Variants in MYO3B observed in about 807,000 individuals in gnomAD.
The protein encoded by MYO3B is myosin-IIIb.
A neutral mutation model predicts 174.6 loss-of-function variants in MYO3B; 156 were observed. The observed-to-expected ratio is 0.89, with a 90% CI of 0.78 to 1.02. The LOEUF is 1.02. Among genes scored for constraint, MYO3B ranks in the 50% least tolerant of loss-of-function variants. MYO3B has a pLI of 0.00. For synonymous variants in MYO3B, 563 were observed against 569.1 expected (o/e 0.99, Z 0.15); for missense variants, 1,632 against 1,639.4 (o/e 1.00, Z 0.08).
intron 7 of MYO3B, among the ~76,000 whole-genome samples, chr2:170,252,116 C>T (rs1157822749): frequency 2.0e-5 from 3 of 152,214 alleles, no homozygotes; most frequent in Admixed American, 2.0e-4. Flanking sequence ...AAATATGTTG[C>T]ATCTTTGCCT....
At chr2:170,436,536 T>G (rs924918859) in intron 22 of MYO3B, among the ~76,000 whole-genome samples, 2 of 152,216 alleles carry the variant, frequency 1.3e-5, no homozygotes, top group African/African-American at 4.8e-5. Context: ...TCTGAAGATA[T>G]CGCCAGAGAA....
At chr2:170,284,311 T>C (rs939021425) in intron 7 of MYO3B, among the ~76,000 whole-genome samples, 1 of 152,168 alleles carries the variant, frequency 6.6e-6, no homozygotes, top group African/African-American at 2.4e-5. Flanking sequence ...GACAGATATG[T>C]AAATATCATT....
chr2:170,364,481 C>T (rs2105660779), intron 8 of MYO3B, among the ~76,000 whole-genome samples: 1 of 152,264 alleles, frequency 6.6e-6, no homozygotes, highest in East Asian at 1.9e-4. Context: ...GGCCCCCAAT[C>T]CCATACAGAG....
At chr2:170,522,154 C>G (rs915924990) in intron 30 of MYO3B, among the ~76,000 whole-genome samples, 1 of 152,192 alleles carries the variant, frequency 6.6e-6, no homozygotes, top group Middle Eastern at 3.2e-3. Flanking sequence ...CTGGATGATA[C>G]CATCTCTCAC....
chr2:170,473,116 C>G (rs996961201), intron 25 of MYO3B, among the ~76,000 whole-genome samples: 4 of 133,962 alleles, frequency 3.0e-5, no homozygotes, highest in African/African-American at 1.1e-4. Context: ...TCACTATTTT[C>G]TTTTTCTTTT....
intron 32 of MYO3B, among the ~76,000 whole-genome samples, chr2:170,631,234 A>C (rs1473615442): frequency 6.6e-6 from 1 of 152,166 alleles, no homozygotes; most frequent in African/African-American, 2.4e-5. Flanking sequence ...AACCATGGCA[A>C]GAGAACTACG....
chr2:170,514,014 G>T (rs991966716), intron 28 of MYO3B, among the ~76,000 whole-genome samples: 4 of 152,248 alleles, frequency 2.6e-5, no homozygotes, highest in Non-Finnish European at 5.9e-5. Flanking sequence ...GGTGCAAGAA[G>T]TGAGAACAAG....
In MYO3B at chr2:170,653,616, C is replaced by CG; in HGVS notation, c.*495_*496insG. The CG allele has an allele frequency of 6.4e-6, 1 of 157,204 alleles. No individual in the cohort carries two copies. The highest frequency in any genetic ancestry group is 1.9e-4 in the South Asian group (1 of 5,182). The allele number at this position is 157,204 out of a possible 1,614,324, so 9.7% of individuals were successfully genotyped here. A position where few individuals can be genotyped will look rare whatever the true frequency, so the allele number is the denominator to read the frequency against. On this transcript the variant is annotated 3_prime_UTR_variant, in exon 35 of 35. Coordinates refer to ENST00000408978, the MANE Select transcript of MYO3B (RefSeq NM_138995.5). ...ACTCCCACCTCCCCCAGAGTCAGGG[C>CG]TCCATTGCTGAGTGCCCCATCCTGG...
intron 23 of MYO3B, among the ~76,000 whole-genome samples, chr2:170,452,402 A>G (rs924198378): frequency 1.3e-4 from 20 of 152,204 alleles, no homozygotes; most frequent in African/African-American, 4.1e-4. Flanking sequence ...AAGAGCAACA[A>G]AAAGACAAAA....
intron 13 of MYO3B, among the ~76,000 whole-genome samples, chr2:170,386,826 C>A (rs2094379063): frequency 1.3e-5 from 2 of 152,318 alleles, no homozygotes; most frequent in South Asian, 4.1e-4. Context: ...ATTTAAAAAT[C>A]TTTCTAAACT....
chr2:170,483,417 A>T (rs75716261), intron 25 of MYO3B, among the ~76,000 whole-genome samples: 1,370 of 99,212 alleles, frequency 0.014, 20 homozygotes, highest in Non-Finnish European at 0.018. Flanking sequence ...GACGGAGTCT[A>T]GCTCTGTCGC....
chr2:170,399,229 C>T (rs1208985043), intron 16 of MYO3B, among the ~76,000 whole-genome samples: 13 of 76,460 alleles, frequency 1.7e-4, no homozygotes, highest in Non-Finnish European at 2.0e-4. Context: ...GCAACAAGAG[C>T]GAAATTCCGT....
intron 7 of MYO3B, among the ~76,000 whole-genome samples, chr2:170,250,233 A>G (rs936344922): frequency 6.6e-6 from 1 of 152,242 alleles, no homozygotes; most frequent in Non-Finnish European, 1.5e-5. Flanking sequence ...GGGTACTGTT[A>G]AAACATGTTA....
chr2:170,420,875 A>T (rs1574952725), intron 22 of MYO3B, among the ~76,000 whole-genome samples: 1 of 151,284 alleles, frequency 6.6e-6, no homozygotes, highest in Non-Finnish European at 1.5e-5. Context: ...TCATCACCAC[A>T]CCTCCCAACC....
At chr2:170,505,844 A>C (rs1280516358) in intron 28 of MYO3B, among the ~76,000 whole-genome samples, 1 of 152,212 alleles carries the variant, frequency 6.6e-6, no homozygotes, top group Admixed American at 6.5e-5. Flanking sequence ...GCTTCTCCCC[A>C]CACACACGCA....
chr2:170,350,563 C>T (rs2094058118), intron 8 of MYO3B: 1 of 152,116 alleles, frequency 6.6e-6, no homozygotes, highest in Non-Finnish European at 1.5e-5. Flanking sequence ...TGAAGGCTGC[C>T]TTAGGGAACT....
At chr2:170,628,578 C>T (rs537134099) in intron 32 of MYO3B, among the ~76,000 whole-genome samples, 80 of 152,280 alleles carry the variant, frequency 5.3e-4, no homozygotes, top group Admixed American at 1.2e-3. Flanking sequence ...GAGATGAACC[C>T]GGTACCTCAG....
At chr2:170,242,756 C>T (rs2093148470) in intron 7 of MYO3B, among the ~76,000 whole-genome samples, 1 of 152,168 alleles carries the variant, frequency 6.6e-6, no homozygotes, top group South Asian at 2.1e-4. Flanking sequence ...TCTCATTACC[C>T]TGGTATATTA....
chr2:170,481,989 T>C (rs1298743527), intron 25 of MYO3B, among the ~76,000 whole-genome samples: 2 of 152,202 alleles, frequency 1.3e-5, no homozygotes, highest in Admixed American at 1.3e-4. Flanking sequence ...GGTTTGGCTG[T>C]GTCCTCACCC....
Sources: allele counts gnomAD v4.1 joint callset (sites outside exome capture counted in the v4.1 genomes callset), GRCh38; gene constraint gnomAD v4.1.1; transcripts MANE v1.5; gene names NCBI Gene and HGNC (gene_info 2026-07-23, HGNC 2026-07-21).